STAU2: variants seen among roughly 807,000 people sequenced by gnomAD.
STAU2 encodes staufen double-stranded RNA binding protein 2.
A neutral mutation model predicts 65.9 loss-of-function variants in STAU2; 20 were observed. The observed-to-expected ratio is 0.30, with a 90% CI of 0.21 to 0.44. STAU2 has a LOEUF of 0.44. STAU2 is among the 20% of genes least tolerant of loss of function. The probability of loss-of-function intolerance (pLI) is 1.00; values close to 1 mark genes in which losing one functional copy is unlikely to be tolerated. For synonymous variants in STAU2, 232 were observed against 233.9 expected, an observed-to-expected ratio of 0.99 and a Z score of 0.07; for missense variants, 558 against 683.9, an observed-to-expected ratio of 0.82 and a Z score of 2.05.
chr8:73,735,983 AAC>A (rs1448682369), intron 3 of STAU2, among the ~76,000 whole-genome samples: 1 of 152,240 alleles, frequency 6.6e-6, no homozygotes, highest in Non-Finnish European at 1.5e-5. Flanking sequence ...TCACAGCTAT[AAC>A]AGTTTGCAAA....
At chr8:73,568,532 G>A (rs1808792817) in intron 12 of STAU2, among the ~76,000 whole-genome samples, 1 of 152,144 alleles carries the variant, frequency 6.6e-6, no homozygotes, top group South Asian at 2.1e-4. Flanking sequence ...GAGCCCAGGA[G>A]TTCAAGTCTG....
chr8:73,512,317 T>C (rs909477298), intron 13 of STAU2, among the ~76,000 whole-genome samples: 3 of 152,222 alleles, frequency 2.0e-5, no homozygotes, highest in African/African-American at 4.8e-5. Flanking sequence ...GGGATTGTAT[T>C]AAATCTATAG....
chr8:73,646,154 A>C (rs1426806415), intron 6 of STAU2, among the ~76,000 whole-genome samples: 1 of 152,260 alleles, frequency 6.6e-6, no homozygotes, highest in Non-Finnish European at 1.5e-5. Context: ...ATAGGACACA[A>C]GATCAAAATA....
At chr8:73,597,471 T>C (rs986565314) in intron 10 of STAU2, among the ~76,000 whole-genome samples, 1 of 146,690 alleles carries the variant, frequency 6.8e-6, no homozygotes, top group Non-Finnish European at 1.5e-5. Flanking sequence ...TTGGCCAACA[T>C]GGTGAAACCC....
At chr8:73,707,737 A>C (rs1820614674) in intron 4 of STAU2, among the ~76,000 whole-genome samples, 1 of 152,216 alleles carries the variant, frequency 6.6e-6, no homozygotes, top group Non-Finnish European at 1.5e-5. Flanking sequence ...ATACACACCC[A>C]AAAACAAGCT....
intron 1 of STAU2, among the ~76,000 whole-genome samples, chr8:73,743,466 A>ATTTT (rs10564049): frequency 2.1e-5 from 2 of 93,998 alleles, no homozygotes; most frequent in Non-Finnish European, 4.2e-5. Flanking sequence ...CTTCTTTTTA[A>ATTTT]TTTTTTTTTT....
At chr8:73,438,948 C>A (rs780718645) in intron 13 of STAU2, 5 of 456,602 alleles carry the variant, frequency 1.1e-5, no homozygotes, top group Non-Finnish European at 1.8e-5. Context: ...ACATTTGGAC[C>A]TGACCTTCAC....
intron 12 of STAU2, among the ~76,000 whole-genome samples, chr8:73,568,920 A>G (rs1429741961): frequency 6.6e-6 from 1 of 152,166 alleles, no homozygotes; most frequent in African/African-American, 2.4e-5. Flanking sequence ...GATGCAGAAG[A>G]CGGGTGATTT....
At chr8:73,484,371 T>C (rs1012838684) in intron 13 of STAU2, among the ~76,000 whole-genome samples, 1 of 152,130 alleles carries the variant, frequency 6.6e-6, no homozygotes. Flanking sequence ...CTTCTGAATA[T>C]ATTATTTCTA....
rs571471812 is a variant in STAU2, at chr8:73,725,103, T to C, written c.-18+13181A>G. ...TCTGTACTTGAGTCTTGCTCTTCTA[T>C]ACAATCTGACAATCTTTGCCATTTA... On this transcript the variant is annotated intron_variant, in intron 3 of 14. Transcript: ENST00000524300. 2.6e-5 allele frequency among the ~76,000 whole-genome samples: 4 copies of C among 152,358 alleles called. No individual in the cohort carries two copies. The South Asian group carries it at 8.3e-4, about 32-fold the overall frequency.
Position 73,637,987 on chromosome 8 carries a change from G to C in STAU2, c.411-20536C>G, listed in dbSNP as rs1367444045. Among the ~76,000 whole-genome samples, 7 of 151,700 alleles carry C rather than the reference G, an allele frequency of 4.6e-5. No homozygotes were observed. The East Asian group carries it at 1.4e-3, about 29-fold the overall frequency. ...ATGCAGCTTCTTACATACTGACATGGAATGCTGTTTAAGGTATTTTTCAAA... is the reference window on the plus strand; with the variant it reads ...ATGCAGCTTCTTACATACTGACATGCAATGCTGTTTAAGGTATTTTTCAAA... On this transcript the variant is annotated intron_variant, in intron 6 of 14. Transcript: ENST00000524300.
At chr8:73,523,243 C>T (rs1421348004) in intron 13 of STAU2, among the ~76,000 whole-genome samples, 1 of 142,398 alleles carries the variant, frequency 7.0e-6, no homozygotes, top group Non-Finnish European at 1.5e-5. Context: ...CAGGCCTTAA[C>T]TAATCACTGG....
In STAU2 at chr8:73,552,127, C is replaced by T. The variant is rs1183450009; in HGVS notation, c.1415G>A (p.Gly472Glu). The T allele has an allele frequency of 1.2e-6, 2 of 1,613,852 alleles. No homozygotes were observed. Among genetic ancestry groups the T allele is most frequent in the Non-Finnish European group, 1.7e-6 (2 of 1,179,824 alleles). The stretch of plus-strand genomic sequence containing the variant: ...TATGGCTTCAGCTGTAGAAGATGTT[C>T]CATTCATAAGGAGTTCCCTGGCAAT... ...ATIARELLMN[G>E]TSSTAEAIGL... The change falls in exon 13 of 15, where the codon GGA becomes GAA. Residue 472 changes from glycine to glutamate, a missense_variant. By Grantham distance (98) the Gly-to-Glu change is moderately conservative (BLOSUM62 -2). This residue lies in a region of STAU2 where 247 missense variants were observed against 270.1 expected (regional missense o/e 0.91). Transcript: ENST00000524300.
At chr8:73,428,446 T>C (rs1412137929) in intron 13 of STAU2, among the ~76,000 whole-genome samples, 2 of 152,170 alleles carry the variant, frequency 1.3e-5, no homozygotes, top group African/African-American at 4.8e-5. Context: ...CAGATATCTC[T>C]TGACACACAA....
At chr8:73,449,548 G>A (rs1314728014) in intron 13 of STAU2, among the ~76,000 whole-genome samples, 1 of 152,200 alleles carries the variant, frequency 6.6e-6, no homozygotes, top group Non-Finnish European at 1.5e-5. Flanking sequence ...AATCCAGTCC[G>A]TAACAAGGCT....
chr8:73,697,761 A>T (rs1819783956), intron 4 of STAU2, among the ~76,000 whole-genome samples: 1 of 152,204 alleles, frequency 6.6e-6, no homozygotes, highest in African/African-American at 2.4e-5. Flanking sequence ...TTAAGCTGTC[A>T]TCAGTTTAAA....
At chr8:73,747,323 C>T, upstream of STAU2, 1 of 1,517,002 alleles carries the variant, frequency 6.6e-7, no homozygotes, top group Non-Finnish European at 8.8e-7. Context: ...CAACTTCCTT[C>T]CCCGCCCGAC....
intron 1 of STAU2, among the ~76,000 whole-genome samples, chr8:73,743,442 TA>T (rs1046263405): frequency 1.3e-5 from 2 of 151,076 alleles, no homozygotes; most frequent in Non-Finnish European, 2.9e-5. Flanking sequence ...TACACCAAAT[TA>T]AAAAAGACTT....
chr8:73,746,109 C>T (rs575926184), intron 1 of STAU2, among the ~76,000 whole-genome samples: 1 of 152,292 alleles, frequency 6.6e-6, no homozygotes, highest in South Asian at 2.1e-4. Context: ...GTAACAGCCA[C>T]AGCAGAACTT....
Sources: allele counts gnomAD v4.1 joint callset (sites outside exome capture counted in the v4.1 genomes callset), GRCh38; gene constraint gnomAD v4.1.1; regional missense constraint gnomAD v4.1.1; transcripts MANE v1.5; gene names NCBI Gene and HGNC (gene_info 2026-07-23, HGNC 2026-07-21).